The following RIN2 variants were observed in gnomAD, a reference collection of about 807,000 sequenced individuals.
The protein encoded by RIN2 is Ras and Rab interactor 2.
Under a neutral mutation model 78.0 loss-of-function variants are expected in RIN2, and 36 were observed. The ratio of observed to expected loss-of-function variants is 0.46; its 90% CI spans 0.35 to 0.61. The LOEUF is 0.61. Among genes scored for constraint, RIN2 ranks in the 20% least tolerant of loss-of-function variants. The probability of loss-of-function intolerance (pLI) is 0.00; values close to 1 mark genes in which losing one functional copy is unlikely to be tolerated. For missense variants in RIN2, 1,087 were observed against 1,159.7 expected, an observed-to-expected ratio of 0.94 and a Z score of 0.91; for synonymous variants, 466 against 466.8, an observed-to-expected ratio of 1.00 and a Z score of 0.02.
intron 3 of RIN2, among the ~76,000 whole-genome samples, chr20:19,891,314 A>G (rs975988232): frequency 2.6e-5 from 4 of 152,146 alleles, no homozygotes; most frequent in Non-Finnish European, 5.9e-5. Context: ...AGGTTGCCCA[A>G]TTGTCATCCT....
intron 3 of RIN2, among the ~76,000 whole-genome samples, chr20:19,904,237 A>AAAAAAATATATATATATATATATAT (rs1555787851): frequency 1.1e-5 from 1 of 95,070 alleles, no homozygotes; most frequent in African/African-American, 3.2e-5. Flanking sequence ...GTCTCAAAAA[A>AAAAAAATATATATATATATATATAT]AAAATATATA....
chr20:19,942,872 C>A (rs1262019032), intron 4 of RIN2, among the ~76,000 whole-genome samples: 1 of 152,174 alleles, frequency 6.6e-6, no homozygotes, highest in Non-Finnish European at 1.5e-5. Context: ...CACAATGTCA[C>A]CAGCAGCATA....
At chr20:19,914,972 C>T (rs1438369702) in intron 3 of RIN2, among the ~76,000 whole-genome samples, 1 of 152,052 alleles carries the variant, frequency 6.6e-6, no homozygotes, top group Non-Finnish European at 1.5e-5. Flanking sequence ...CACAAGAGAC[C>T]CCTCTGTGGC....
chr20:19,987,544 C>A (rs544426610), intron 9 of RIN2, among the ~76,000 whole-genome samples: 3 of 152,152 alleles, frequency 2.0e-5, no homozygotes, highest in Admixed American at 2.0e-4. Context: ...ATCTGTTAAA[C>A]GGACATAATA....
chr20:19,776,419 A>T (rs2034311774), intron 1 of RIN2, among the ~76,000 whole-genome samples: 1 of 152,158 alleles, frequency 6.6e-6, no homozygotes. Context: ...AACTCTTGCA[A>T]CCAATTGCCA....
intron 3 of RIN2, among the ~76,000 whole-genome samples, chr20:19,925,183 A>G (rs2040179619): frequency 6.6e-6 from 1 of 151,738 alleles, no homozygotes; most frequent in South Asian, 2.1e-4. Flanking sequence ...CCCAGGGTAT[A>G]GTGCTTAACA....
chr20:19,876,263 G>A (rs899861193), intron 2 of RIN2, among the ~76,000 whole-genome samples: 3 of 152,184 alleles, frequency 2.0e-5, no homozygotes, highest in African/African-American at 4.8e-5. Flanking sequence ...GCACAGCTCT[G>A]CCAACTGAAA....
At chr20:19,812,717 C>T (rs974680745) in intron 2 of RIN2, among the ~76,000 whole-genome samples, 3 of 152,134 alleles carry the variant, frequency 2.0e-5, no homozygotes, top group African/African-American at 4.8e-5. Flanking sequence ...TGTTTCATAG[C>T]GTGGGCATCC....
At chr20:19,770,883 C>A (rs6112568) in intron 1 of RIN2, among the ~76,000 whole-genome samples, 2 of 143,930 alleles carry the variant, frequency 1.4e-5, no homozygotes, top group Admixed American at 6.9e-5. Flanking sequence ...ACCCCCCCCC[C>A]CCACCTTCCC....
chr20:19,922,920 A>G (rs1465837185), intron 3 of RIN2, among the ~76,000 whole-genome samples: 1 of 152,170 alleles, frequency 6.6e-6, no homozygotes, highest in African/African-American at 2.4e-5. Flanking sequence ...CCAGCACACT[A>G]CAGATGCTCG....
chr20:19,995,320 T>G (rs2146411476), intron 11 of RIN2, among the ~76,000 whole-genome samples: 1 of 151,548 alleles, frequency 6.6e-6, no homozygotes, highest in East Asian at 1.9e-4. Context: ...GGACTCAGAT[T>G]CTATTTCTTA....
chr20:19,864,010 G>A (rs1331602142), intron 2 of RIN2, among the ~76,000 whole-genome samples: 1 of 150,692 alleles, frequency 6.6e-6, no homozygotes, highest in East Asian at 1.9e-4. Context: ...GTTCTCGGGG[G>A]TGGGTGGTAA....
rs990366142 is a variant in RIN2, at chr20:19,794,572, G to A, written c.-162-5050G>A. Among the ~76,000 whole-genome samples the A allele has an allele frequency of 2.7e-5, 4 of 145,746 alleles. No homozygotes were observed. In the East Asian group the frequency reaches 8.3e-4, roughly 30 times the overall value. ...AAAAAAAAAAGATACAGTGATACTA[G>A]GTAATGATGAATAACGTTCATATGA... is the stretch of plus-strand genomic sequence containing the variant. On this transcript the variant is annotated intron_variant, in intron 1 of 12. Coordinates refer to ENST00000255006, the MANE Select transcript of RIN2 (RefSeq NM_018993.4).
At chr20:19,872,554 C>T (rs2037721556) in intron 2 of RIN2, among the ~76,000 whole-genome samples, 1 of 152,076 alleles carries the variant, frequency 6.6e-6, no homozygotes, top group Non-Finnish European at 1.5e-5. Context: ...AGTTAATACG[C>T]CCAGGAGCAA....
At chr20:19,889,494 G>A in intron 2 of RIN2, 72 bp from the exon 3 acceptor site, 2 of 1,397,156 alleles carry the variant, frequency 1.4e-6, no homozygotes, top group Non-Finnish European at 2.0e-6. Context: ...GACTGTTGTT[G>A]TGAGTGTTCT....
At chr20:19,809,724 C>G (rs541961913) in intron 2 of RIN2, 5 of 152,482 alleles carry the variant, frequency 3.3e-5, no homozygotes, top group African/African-American at 1.2e-4. Context: ...TGATCTCCAC[C>G]GAGAACACAT....
At chr20:19,913,641 T>C (rs2039567597) in intron 3 of RIN2, among the ~76,000 whole-genome samples, 1 of 152,196 alleles carries the variant, frequency 6.6e-6, no homozygotes, top group Non-Finnish European at 1.5e-5. Flanking sequence ...TTCTATGAGT[T>C]TGACTCCTCT....
chr20:19,781,290 T>C (rs977694416), intron 1 of RIN2, among the ~76,000 whole-genome samples: 8 of 152,216 alleles, frequency 5.3e-5, no homozygotes, highest in Admixed American at 5.2e-4. Context: ...CAGTGGGCAG[T>C]GACTACATGT....
At chr20:19,951,818 G>A (rs1217083207) in intron 4 of RIN2, among the ~76,000 whole-genome samples, 1 of 152,196 alleles carries the variant, frequency 6.6e-6, no homozygotes, top group Non-Finnish European at 1.5e-5. Context: ...TGGCTCTGTG[G>A]CCATTCCACT....
Sources: allele counts gnomAD v4.1 joint callset (sites outside exome capture counted in the v4.1 genomes callset), GRCh38; gene constraint gnomAD v4.1.1; transcripts MANE v1.5; gene names NCBI Gene and HGNC (gene_info 2026-07-23, HGNC 2026-07-21).